Variants in HCN2 observed in about 807,000 individuals in gnomAD.
HCN2 encodes potassium/sodium hyperpolarization-activated cyclic nucleotide-gated channel 2.
Under a neutral mutation model 52.3 loss-of-function variants are expected in HCN2, and 20 were observed. The observed-to-expected ratio is 0.38, with a 90% CI of 0.27 to 0.56. The LOEUF is 0.56. Among genes scored for constraint, HCN2 ranks in the 20% least tolerant of loss-of-function variants. HCN2 has a pLI of 0.71. For missense variants in HCN2, 981 were observed against 1,207.7 expected, an observed-to-expected ratio of 0.81 and a Z score of 2.78; for synonymous variants, 694 against 537.0, an observed-to-expected ratio of 1.29 and a Z score of -4.04.
At chr19:599,576 G>A (rs1300553635) in intron 1 of HCN2, among the ~76,000 whole-genome samples, 1 of 151,164 alleles carries the variant, frequency 6.6e-6, no homozygotes, top group Non-Finnish European at 1.5e-5. Flanking sequence ...TCAGGAGTTC[G>A]AGACCATCCT....
At chr19:600,347 A>G (rs1005492295) in intron 1 of HCN2, among the ~76,000 whole-genome samples, 3 of 149,758 alleles carry the variant, frequency 2.0e-5, no homozygotes, top group African/African-American at 4.9e-5. Flanking sequence ...TAATTTTTGT[A>G]TTATTATTTT....
At chr19:593,935 A>G (rs1027755707) in intron 1 of HCN2, among the ~76,000 whole-genome samples, 3 of 152,144 alleles carry the variant, frequency 2.0e-5, no homozygotes, top group South Asian at 4.1e-4. Flanking sequence ...CCAGAGCAAA[A>G]TTAGGTCAAA....
At chr19:608,453 G>A (rs1983497997) in intron 4 of HCN2, among the ~76,000 whole-genome samples, 2 of 152,166 alleles carry the variant, frequency 1.3e-5, no homozygotes, top group South Asian at 4.1e-4. Context: ...CGCGCTCAGG[G>A]CAGAGACCGC....
intron 7 of HCN2, among the ~76,000 whole-genome samples, chr19:614,968 G>A (rs890000245): frequency 3.3e-5 from 5 of 152,128 alleles, no homozygotes; most frequent in African/African-American, 7.2e-5. Flanking sequence ...GGAGCTCCCT[G>A]GTGTACAGTA....
At chr19:606,273 G>GT (rs1160383684) in intron 3 of HCN2, among the ~76,000 whole-genome samples, 1 of 151,934 alleles carries the variant, frequency 6.6e-6, no homozygotes, top group East Asian at 2.0e-4. Flanking sequence ...GATAATTTTC[G>GT]TACTTTTAGT....
chr19:595,787 G>GCCATGACTCCACAGCTGAGAGTGCC (rs1210056144), intron 1 of HCN2, among the ~76,000 whole-genome samples: 2 of 152,212 alleles, frequency 1.3e-5, no homozygotes, highest in Non-Finnish European at 2.9e-5. Context: ...CACGGATCTG[G>GCCATGACTCCACAGCTGAGAGTGCC]CCATGACTCC....
At chr19:612,427 T>TGGGA in intron 5 of HCN2, among the ~76,000 whole-genome samples, 3 of 142,256 alleles carry the variant, frequency 2.1e-5, no homozygotes, top group Non-Finnish European at 4.6e-5. Flanking sequence ...TGTGTGTGTG[T>TGGGA]GAGAGAGAGA....
Position 606,297 on chromosome 19 carries a change from C to T in HCN2, c.1218+1075C>T, listed in dbSNP as rs558483110. On this transcript the variant is annotated intron_variant, in intron 3 of 7. Transcript: ENST00000251287. The stretch of plus-strand genomic sequence containing the variant: ...CGTACTTTTAGTAGAGACGGGGTCT[C>T]GCCATGTTGGTCAGGCTGGTCTCGA... Among the ~76,000 whole-genome samples, 39 of 152,080 alleles carry T rather than the reference C, an allele frequency of 2.6e-4. No homozygotes were observed. In the South Asian group the frequency reaches 4.0e-3, roughly 15 times the overall value.
chr19:601,528 GGTC>G (rs1983201151), intron 1 of HCN2, among the ~76,000 whole-genome samples: 1 of 152,028 alleles, frequency 6.6e-6, no homozygotes, highest in African/African-American at 2.4e-5. Flanking sequence ...ACAGCGGAGT[GGTC>G]GTCGTCCGCA....
intron 4 of HCN2, among the ~76,000 whole-genome samples, chr19:609,697 T>TC (rs1465417914): frequency 2.0e-5 from 3 of 151,716 alleles, no homozygotes; most frequent in Non-Finnish European, 4.4e-5. Flanking sequence ...GCCCAGGAGT[T>TC]CAAGACCAGC....
Position 590,032 on chromosome 19 carries a change from GCC to G in HCN2, c.93_94del (p.Gln32ThrfsTer36). On this transcript the variant is annotated frameshift_variant, in exon 1 of 8. Transcript: ENST00000251287. LOFTEE classifies it high-confidence loss of function. The surrounding 1 kb of genome is among the most constrained non-coding windows in gnomAD (Gnocchi z 7.2). ...GGCCGCCGCCGCCGCCGCCGCCCGCGCCCCCCCAACAGCAGCCGCCGCCGCCG... is the reference window on the plus strand; with the variant it reads ...GGCCGCCGCCGCCGCCGCCGCCCGCGCCCCCAACAGCAGCCGCCGCCGCCG... ...PGPPPPPPPA[P>X]PQQQPPPPPP... 5 of 584,938 alleles carry G rather than the reference GCC, an allele frequency of 8.5e-6. No homozygotes were observed. Among genetic ancestry groups the G allele is most frequent in the South Asian group, 7.9e-5 (1 of 12,730 alleles). 36.2% of individuals were successfully genotyped at this position (584,938 alleles called of 1,614,324 possible).
intron 4 of HCN2, among the ~76,000 whole-genome samples, chr19:609,365 G>A (rs1241997663): frequency 6.6e-6 from 1 of 152,190 alleles, no homozygotes; most frequent in African/African-American, 2.4e-5. Context: ...CATCAGGGAA[G>A]GGCCAGAGCC....
intron 6 of HCN2, among the ~76,000 whole-genome samples, 173 bp downstream of exon 6, chr19:613,661 C>A (rs531221862): frequency 1.8e-4 from 2 of 11,156 alleles, no homozygotes; most frequent in Admixed American, 9.2e-4. Flanking sequence ...GGGGATGGGG[C>A]CGGGGATGGG....
intron 5 of HCN2, 53 bp downstream of exon 5, chr19:610,458 C>G (rs998381678): frequency 7.1e-6 from 11 of 1,551,226 alleles, no homozygotes; most frequent in Admixed American, 5.1e-5. Context: ...GGGCCGGCCT[C>G]CCTCTCCTGG....
At chr19:600,588 G>A (rs988080281) in intron 1 of HCN2, among the ~76,000 whole-genome samples, 4 of 151,204 alleles carry the variant, frequency 2.6e-5, no homozygotes, top group Non-Finnish European at 2.9e-5. Flanking sequence ...CTCATGATGC[G>A]ACCACCTTTG....
At position 614,474 on chromosome 19, in the gene HCN2, C is replaced by T. The variant is rs575821196; in HGVS notation, c.1990+458C>T. Among the ~76,000 whole-genome samples, 188 of 152,192 alleles carry T rather than the reference C, an allele frequency of 1.2e-3. 1 individual carries two copies. Among genetic ancestry groups the T allele is most frequent in the Middle Eastern group, 6.8e-3 (2 of 294 alleles). On this transcript the variant is annotated intron_variant, in intron 7 of 7. Transcript: ENST00000251287. ...TGTGTGCCAGCAGGGCAGGTGGGGC[C>T]GGTGGGCTTCCCTGAGTTGGGAATG... is the stretch of plus-strand genomic sequence containing the variant.
intron 1 of HCN2, among the ~76,000 whole-genome samples, chr19:594,050 C>T (rs1982950056): frequency 6.6e-6 from 1 of 151,692 alleles, no homozygotes; most frequent in South Asian, 2.1e-4. Context: ...GAGGGTGTCT[C>T]CGCAGGAGAG....
chr19:600,081 C>G (rs1983156588), intron 1 of HCN2, among the ~76,000 whole-genome samples: 1 of 152,188 alleles, frequency 6.6e-6, no homozygotes, highest in African/African-American at 2.4e-5. Flanking sequence ...TTGTCTGAGT[C>G]AGGCACACGC....
chr19:595,484 C>T (rs778343687), intron 1 of HCN2, among the ~76,000 whole-genome samples: 12 of 152,042 alleles, frequency 7.9e-5, no homozygotes, highest in Admixed American at 3.3e-4. Flanking sequence ...GGCCGCCCAC[C>T]GGCCTTGAAG....
Sources: gnomAD v4.1 joint callset for allele counts (sites outside exome capture counted in the v4.1 genomes callset) on GRCh38, gnomAD v4.1.1 for gene constraint, Gnocchi (gnomAD v3.1) non-coding constraint, MANE v1.5 for transcripts, NCBI Gene and HGNC (gene_info 2026-07-23, HGNC 2026-07-21) for gene names.